PPP2R5E: variants seen among roughly 807,000 people sequenced by gnomAD.
PPP2R5E encodes protein phosphatase 2 regulatory subunit B'epsilon.
In PPP2R5E, 4 loss-of-function variants were observed where a neutral mutation model predicts 65.3. The ratio of observed to expected loss-of-function variants is 0.06; its 90% confidence interval spans 0.03 to 0.14. PPP2R5E has a LOEUF of 0.14. PPP2R5E is among the 10% of genes least tolerant of loss of function. PPP2R5E has a pLI of 1.00. For missense variants in PPP2R5E, 274 were observed against 556.1 expected, an observed-to-expected ratio of 0.49 and a Z score of 5.10; for synonymous variants, 183 against 187.4, an observed-to-expected ratio of 0.98 and a Z score of 0.19.
At chr14:63,460,915 A>G (rs1889422380) in intron 2 of PPP2R5E, among the ~76,000 whole-genome samples, 1 of 152,228 alleles carries the variant, frequency 6.6e-6, no homozygotes, top group Non-Finnish European at 1.5e-5. Flanking sequence ...CTGATAAATG[A>G]CACACAGTGA....
At chr14:63,383,945 G>A (rs982999302) in intron 12 of PPP2R5E, among the ~76,000 whole-genome samples, 2 of 152,050 alleles carry the variant, frequency 1.3e-5, no homozygotes, top group African/African-American at 2.4e-5. Flanking sequence ...AGGCTCACAC[G>A]AGTCCCACAG....
chr14:63,496,902 G>A (rs1300238109), intron 2 of PPP2R5E, among the ~76,000 whole-genome samples: 1 of 150,952 alleles, frequency 6.6e-6, no homozygotes, highest in African/African-American at 2.4e-5. Flanking sequence ...AAAAAAAAAG[G>A]TAGTTTTCCA....
At chr14:63,382,278 C>T in intron 12 of PPP2R5E, 121 bp from the exon 13 acceptor site, 1 of 535,918 alleles carries the variant, frequency 1.9e-6, no homozygotes, top group Non-Finnish European at 3.1e-6. Flanking sequence ...TGTCTGTATC[C>T]TTTTTTAGTT....
chr14:63,446,534 T>A (rs144192933), intron 3 of PPP2R5E, among the ~76,000 whole-genome samples: 33 of 152,144 alleles, frequency 2.2e-4, no homozygotes, highest in African/African-American at 7.5e-4. Context: ...TCAGCAGGCA[T>A]GAAAACAACA....
chr14:63,393,574 T>C (rs1229522946), intron 8 of PPP2R5E, among the ~76,000 whole-genome samples: 1 of 152,004 alleles, frequency 6.6e-6, no homozygotes, highest in African/African-American at 2.4e-5. Context: ...TAGCTGGGCA[T>C]GGTGGCGTGC....
intron 5 of PPP2R5E, among the ~76,000 whole-genome samples, chr14:63,409,678 C>T (rs1172831727): frequency 1.3e-5 from 2 of 152,140 alleles, no homozygotes; most frequent in African/African-American, 4.8e-5. Context: ...ATAATCTGCC[C>T]AAGGTTTTCA....
chr14:63,494,156 C>T (rs1363518565), intron 2 of PPP2R5E, among the ~76,000 whole-genome samples: 2 of 152,100 alleles, frequency 1.3e-5, no homozygotes, highest in African/African-American at 4.8e-5. Flanking sequence ...AATAAAAATG[C>T]TCCAGATGTT....
intron 2 of PPP2R5E, among the ~76,000 whole-genome samples, chr14:63,510,502 A>C (rs907207688): frequency 6.6e-6 from 1 of 152,258 alleles, no homozygotes. Flanking sequence ...ACTGGTAAGC[A>C]AGAATGTTAT....
chr14:63,485,196 TAAAAAAAA>T (rs200719135), intron 2 of PPP2R5E, among the ~76,000 whole-genome samples: 4 of 126,372 alleles, frequency 3.2e-5, no homozygotes, highest in Non-Finnish European at 6.7e-5. Context: ...TATACTCATT[TAAAAAAAA>T]AAAAAAAAAA....
chr14:63,524,644 T>A (rs1893103985), intron 2 of PPP2R5E, among the ~76,000 whole-genome samples: 1 of 152,178 alleles, frequency 6.6e-6, no homozygotes, highest in Non-Finnish European at 1.5e-5. Context: ...TTCCTTACTA[T>A]TCCATGACTG....
At chr14:63,509,684 T>C (rs1038144649) in intron 2 of PPP2R5E, among the ~76,000 whole-genome samples, 3 of 152,182 alleles carry the variant, frequency 2.0e-5, no homozygotes, top group Non-Finnish European at 2.9e-5. Flanking sequence ...TTTGACTATA[T>C]GTTACAAACA....
chr14:63,542,321 T>C (rs983867001), intron 1 of PPP2R5E, among the ~76,000 whole-genome samples: 2 of 152,032 alleles, frequency 1.3e-5, no homozygotes, highest in Non-Finnish European at 2.9e-5. Flanking sequence ...TCAGCAGGCA[T>C]GGGGCATTTC....
intron 2 of PPP2R5E, among the ~76,000 whole-genome samples, chr14:63,458,057 C>T (rs568891923): frequency 1.3e-5 from 2 of 152,302 alleles, no homozygotes; most frequent in African/African-American, 4.8e-5. Context: ...ACTACGCCTA[C>T]CTCCAAGGTG....
In PPP2R5E at chr14:63,468,090, C is replaced by G. The variant is rs542114725; in HGVS notation, c.158-14205G>C. ...ACATTTGGTGCTCAATAAACTTTAACTGCTAAATTAATGTTGTTGTTAAAA... is the reference window on the plus strand; with the variant it reads ...ACATTTGGTGCTCAATAAACTTTAAGTGCTAAATTAATGTTGTTGTTAAAA... On this transcript the variant is annotated intron_variant, in intron 2 of 13. Transcript: ENST00000337537. Among the ~76,000 whole-genome samples, 18 of 152,324 alleles carry G rather than the reference C, an allele frequency of 1.2e-4. No individual in the cohort carries two copies. The East Asian group carries it at 2.5e-3, about 21-fold the overall frequency.
intron 2 of PPP2R5E, among the ~76,000 whole-genome samples, chr14:63,465,067 G>A (rs1423024140): frequency 6.6e-6 from 1 of 151,086 alleles, no homozygotes; most frequent in African/African-American, 2.4e-5. Flanking sequence ...AAAAGAAAAT[G>A]TACTTCACAG....
At chr14:63,401,310 T>A (rs1885740322) in intron 5 of PPP2R5E, among the ~76,000 whole-genome samples, 1 of 152,030 alleles carries the variant, frequency 6.6e-6, no homozygotes, top group Non-Finnish European at 1.5e-5. Context: ...ATAGTCCCAA[T>A]CACTCCCACA....
In PPP2R5E at chr14:63,372,812, T is replaced by C. The variant is rs886488660; in HGVS notation, c.*3197A>G. The C allele has an allele frequency of 6.6e-6, 1 of 152,140 alleles. No individual in the cohort carries two copies. Among genetic ancestry groups the C allele is most frequent in the South Asian group, 2.1e-4 (1 of 4,826 alleles). The allele number at this position is 152,140 out of a possible 1,614,324, so 9.4% of individuals were successfully genotyped here. On this transcript the variant is annotated 3_prime_UTR_variant, in exon 14 of 14. Transcript: ENST00000337537. Reference sequence around the variant, plus strand: ...TCTGCACCCTGGACTATCCCACGCATAGGAGGTACAAAATAAATTAAACCC... The same window carrying C: ...TCTGCACCCTGGACTATCCCACGCACAGGAGGTACAAAATAAATTAAACCC...
chr14:63,436,471 T>A (rs1282777193), intron 3 of PPP2R5E, among the ~76,000 whole-genome samples: 6 of 152,250 alleles, frequency 3.9e-5, no homozygotes, highest in African/African-American at 1.4e-4. Flanking sequence ...CGTCTCTGTG[T>A]GTGTCTGTGA....
intron 12 of PPP2R5E, among the ~76,000 whole-genome samples, chr14:63,382,861 T>C (rs1001510964): frequency 1.3e-5 from 2 of 152,222 alleles, no homozygotes; most frequent in Non-Finnish European, 2.9e-5. Context: ...AATTCTATTT[T>C]CTAAATAACA....
Sources: gnomAD v4.1 joint callset for allele counts (sites outside exome capture counted in the v4.1 genomes callset) on GRCh38, gnomAD v4.1.1 for gene constraint, MANE v1.5 for transcripts, NCBI Gene and HGNC (gene_info 2026-07-23, HGNC 2026-07-21) for gene names.